The following ZNF83 variants were observed in gnomAD, a reference collection of about 807,000 sequenced individuals.
ZNF83 encodes the protein zinc finger protein 83, also known as zinc finger protein 816B.
For synonymous variants in ZNF83, 209 were observed against 213.0 expected (o/e 0.98, Z 0.17); for missense variants, 552 against 629.9 (o/e 0.88, Z 1.32).
intron 2 of ZNF83, among the ~76,000 whole-genome samples, chr19:52,656,467 G>A (rs1234647308): frequency 6.6e-6 from 1 of 152,030 alleles, no homozygotes; most frequent in Admixed American, 6.6e-5. Context: ...AGAGGTTGTG[G>A]TAAGCTGAGA....
At chr19:52,615,134 A>G (rs934708409) in intron 2 of ZNF83, among the ~76,000 whole-genome samples, 2 of 152,198 alleles carry the variant, frequency 1.3e-5, no homozygotes, top group Admixed American at 1.3e-4. Flanking sequence ...AGGAAAACAT[A>G]TGGCTGTCTA....
At chr19:52,664,653 G>C (rs1281257715) in intron 1 of ZNF83, among the ~76,000 whole-genome samples, 1 of 151,998 alleles carries the variant, frequency 6.6e-6, no homozygotes, top group Non-Finnish European at 1.5e-5. Context: ...GGAACCCCAG[G>C]AGGTGAGCCG....
chr19:52,632,312 C>A (rs2868499), intron 2 of ZNF83, among the ~76,000 whole-genome samples: 1 of 152,172 alleles, frequency 6.6e-6, no homozygotes, highest in Non-Finnish European at 1.5e-5. Context: ...CAAGCTCAGC[C>A]ACCAACTTAA....
At chr19:52,631,672 ATC>A (rs1467895175) in intron 2 of ZNF83, among the ~76,000 whole-genome samples, 1 of 135,080 alleles carries the variant, frequency 7.4e-6, no homozygotes, top group African/African-American at 2.8e-5. Flanking sequence ...TCATGACTGT[ATC>A]TCTCTGATCC....
At chr19:52,656,222 CTCTCTA>C (rs1485488556) in intron 2 of ZNF83, among the ~76,000 whole-genome samples, 2 of 127,394 alleles carry the variant, frequency 1.6e-5, no homozygotes, top group African/African-American at 2.7e-5. Context: ...CTCTCTCTCT[CTCTCTA>C]TATATATATA....
At chr19:52,671,106 C>T (rs960919139) in intron 1 of ZNF83, among the ~76,000 whole-genome samples, 5 of 152,164 alleles carry the variant, frequency 3.3e-5, no homozygotes, top group African/African-American at 7.2e-5. Flanking sequence ...CCCTCACAAA[C>T]GATACCTTTG....
intron 2 of ZNF83, chr19:52,616,716 A>T (rs113979099): frequency 6.6e-6 from 1 of 152,042 alleles, no homozygotes; most frequent in African/African-American, 2.4e-5. Context: ...GGTGGCGCAT[A>T]CCTGTAATTC....
chr19:52,655,675 A>G (rs1032093619), exon 3 of ZNF83: 23 of 1,174,282 alleles, frequency 2.0e-5, no homozygotes, highest in Non-Finnish European at 2.5e-6. Context: ...ACATCCCTGA[A>G]AGTCAAGCAT....
intron 1 of ZNF83, chr19:52,635,819 A>G (rs947270843): frequency 6.6e-6 from 1 of 151,838 alleles, no homozygotes; most frequent in African/African-American, 2.4e-5. Context: ...ACATGGTGAA[A>G]CTCCATCTCT....
intron 1 of ZNF83, among the ~76,000 whole-genome samples, chr19:52,667,893 C>T (rs2061675788): frequency 6.6e-6 from 1 of 152,102 alleles, no homozygotes; most frequent in African/African-American, 2.4e-5. Flanking sequence ...TGTAGCTTAT[C>T]TGGTATAAAA....
intron 3 of ZNF83, among the ~76,000 whole-genome samples, chr19:52,644,676 A>C (rs2061350247): frequency 6.6e-6 from 1 of 152,184 alleles, no homozygotes. Context: ...ACAGTGAAAG[A>C]AGGTCAGCTG....
chr19:52,676,980 C>CA (rs1244284295), intron 1 of ZNF83, among the ~76,000 whole-genome samples: 1 of 145,240 alleles, frequency 6.9e-6, no homozygotes, highest in African/African-American at 2.6e-5. Context: ...ATCAGGGACA[C>CA]AAACACTGCG....
intron 3 of ZNF83, among the ~76,000 whole-genome samples, chr19:52,646,911 A>G (rs1383261095): frequency 1.3e-5 from 2 of 152,164 alleles, no homozygotes; most frequent in Admixed American, 6.5e-5. Flanking sequence ...TATGGTATAG[A>G]TTACATAACC....
intron 1 of ZNF83, among the ~76,000 whole-genome samples, chr19:52,677,500 A>T (rs763700266): frequency 6.6e-6 from 1 of 151,854 alleles, no homozygotes; most frequent in Admixed American, 6.6e-5. Context: ...AGAAAAAAAG[A>T]AAAAGAGATC....
intron 2 of ZNF83, among the ~76,000 whole-genome samples, chr19:52,633,287 C>G (rs1379248808): frequency 6.6e-6 from 1 of 152,132 alleles, no homozygotes; most frequent in Non-Finnish European, 1.5e-5. Context: ...CCCCATCTCC[C>G]TTCGCTGACT....
rs377215147 is a variant in ZNF83, at chr19:52,631,154, C to A, written c.-234+3912G>T. Reference sequence around the variant, plus strand: ...TACTGCCGCAAGGCTTCACAGACAGCCCCCATTACTTCAGTCAAGCCCAAA... The same window carrying A: ...TACTGCCGCAAGGCTTCACAGACAGACCCCATTACTTCAGTCAAGCCCAAA... On this transcript the variant is annotated intron_variant, in intron 2 of 2. Transcript: ENST00000301096. Among the ~76,000 whole-genome samples, 630 of 146,756 alleles carry A rather than the reference C, an allele frequency of 4.3e-3. 5 individuals carry two copies. Among genetic ancestry groups the A allele is most frequent in the African/African-American group, 0.014 (553 of 39,778 alleles).
intron 2 of ZNF83, among the ~76,000 whole-genome samples, chr19:52,628,806 C>G (rs1600182570): frequency 6.7e-6 from 1 of 150,206 alleles, no homozygotes; most frequent in Non-Finnish European, 1.5e-5. Flanking sequence ...AGTACCCCAA[C>G]CCCTTATATC....
In ZNF83 at chr19:52,628,539, C is replaced by T. The variant is rs529861037; in HGVS notation, c.-234+6527G>A. Among the ~76,000 whole-genome samples the T allele has an allele frequency of 1.4e-4, 22 of 152,232 alleles. No homozygotes were observed. The South Asian group carries it at 4.4e-3, about 30-fold the overall frequency. On this transcript the variant is annotated intron_variant, in intron 2 of 2. Coordinates refer to ENST00000301096, the Ensembl canonical transcript of ZNF83. Reference sequence around the variant, plus strand: ...CCGGTCACGGAGTAGGGAAGGCAGCCTTCCCTTGGTGTTTAATCATTGCAG... The same window carrying T: ...CCGGTCACGGAGTAGGGAAGGCAGCTTTCCCTTGGTGTTTAATCATTGCAG...
chr19:52,656,514 G>T (rs1380888971), intron 2 of ZNF83, among the ~76,000 whole-genome samples: 1 of 151,956 alleles, frequency 6.6e-6, no homozygotes, highest in Non-Finnish European at 1.5e-5. Flanking sequence ...AACAGAGCAA[G>T]TCTTTCTCAA....
Sources: gnomAD v4.1 joint callset for allele counts (sites outside exome capture counted in the v4.1 genomes callset) on GRCh38, gnomAD v4.1.1 for gene constraint, MANE v1.5 for transcripts, NCBI Gene and HGNC (gene_info 2026-07-23, HGNC 2026-07-21) for gene names.